THTPA: variants seen among roughly 807,000 people sequenced by gnomAD.
The protein encoded by THTPA is thiamine-triphosphatase.
Under a neutral mutation model 16.5 loss-of-function variants are expected in THTPA, and 16 were observed. The observed-to-expected ratio is 0.97, with a 90% confidence interval of 0.66 to 1.47. THTPA has a LOEUF of 1.47. Among genes scored for constraint, THTPA ranks in the 40% most tolerant of loss-of-function variants. THTPA has a pLI of 0.00. For missense variants in THTPA, 281 were observed against 280.9 expected (o/e 1.00, Z 0.00); for synonymous variants, 110 against 115.5 (o/e 0.95, Z 0.30).
At chr14:23,533,426 A>G in the THTPA span, 1 of 1,523,636 alleles carries the variant, frequency 6.6e-7, no homozygotes, top group South Asian at 1.2e-5. The surrounding 1 kb of genome is among the most constrained non-coding windows in gnomAD (Gnocchi z 4.8). Context: ...GGCCCAAAGT[A>G]CTGGAAGAGT....
At chr14:23,535,252 G>A in the THTPA span, 32 of 1,512,050 alleles carry the variant, frequency 2.1e-5, no homozygotes, top group Non-Finnish European at 2.6e-5. This position sits in a 1 kb window ranked among gnomAD's most constrained non-coding sequence, Gnocchi z 4.5. Context: ...GAAGGTGTCC[G>A]AAGGCAGGGA....
chr14:23,557,058 C>A lies in THTPA; in HGVS notation c.301C>A (p.Leu101Met), dbSNP rs201708367. Residue 101 changes from leucine to methionine, a missense_variant, in exon 1 of 2, where the codon CTG becomes ATG. Transcript: ENST00000288014. ...CTGTAAGGTGCTGCGGGCTGACGGCCTGGGGGCTGGAGATGTGGCTGCTGT... is the reference window on the plus strand; with the variant it reads ...CTGTAAGGTGCTGCGGGCTGACGGCATGGGGGCTGGAGATGTGGCTGCTGT... ...QLCKVLRADG[L>M]GAGDVAAVLG... 1.7e-5 allele frequency: 28 copies of A among 1,614,210 alleles called. No individual in the cohort carries two copies. The East Asian group carries it at 6.0e-4, about 35-fold the overall frequency.
At chr14:23,547,828 C>CA in the THTPA span, among the ~76,000 whole-genome samples, 1 of 152,346 alleles carries the variant, frequency 6.6e-6, no homozygotes, top group African/African-American at 2.4e-5. Flanking sequence ...TTCTGTGTGA[C>CA]AGACACTGTG....
the THTPA span, chr14:23,532,324 C>G: frequency 8.9e-6 from 4 of 448,840 alleles, no homozygotes; most frequent in Non-Finnish European, 3.7e-6. Flanking sequence ...CCCCTCCCTC[C>G]AGGGCCAAAC....
At chr14:23,544,111 C>T in the THTPA span, 12 of 151,864 alleles carry the variant, frequency 7.9e-5, no homozygotes, top group African/African-American at 1.7e-4. Flanking sequence ...AAAAATGAGC[C>T]GGGCGTGGTG....
At chr14:23,532,423 G>A in the THTPA span, 3 of 1,005,516 alleles carry the variant, frequency 3.0e-6, no homozygotes, top group South Asian at 2.3e-5. Context: ...TGTTACCCTG[G>A]TACATATGTC....
In THTPA at chr14:23,557,057, C is replaced by T; in HGVS notation, c.300C>T (p.Gly100=). Residue 100 remains glycine (G), a synonymous_variant, in exon 1 of 2, where the codon GGC becomes GGT. Coordinates refer to ENST00000288014, the MANE Select transcript of THTPA (RefSeq NM_024328.6). ...TCTGTAAGGTGCTGCGGGCTGACGG[C>T]CTGGGGGCTGGAGATGTGGCTGCTG... ...AQLCKVLRAD[G]LGAGDVAAVL... 1 of 1,614,170 alleles carries T rather than the reference C, an allele frequency of 6.2e-7. No individual in the cohort carries two copies. Among genetic ancestry groups the T allele is most frequent in the East Asian group, 2.2e-5 (1 of 44,890 alleles).
In THTPA at chr14:23,560,148, C is replaced by G; in HGVS notation, c.*1308C>G. 1 of 1,476,118 alleles carries G rather than the reference C, an allele frequency of 6.8e-7. No homozygotes were observed. The highest frequency in any genetic ancestry group is 9.3e-7 in the Non-Finnish European group (1 of 1,074,476). 91.4% of individuals were successfully genotyped at this position (1,476,118 alleles called of 1,614,324 possible). A position where few individuals can be genotyped will look rare whatever the true frequency, so the allele number is the denominator to read the frequency against. On this transcript the variant is annotated 3_prime_UTR_variant, in exon 2 of 2. Transcript: ENST00000288014. ...CCTGTAACTCCCCAAGTGCTGATCT[C>G]CAGATGACTCAATCCCATCTCACAC...
chr14:23,530,685 A>C, the THTPA span: 7 of 343,804 alleles, frequency 2.0e-5, no homozygotes, highest in Admixed American at 2.1e-4. Flanking sequence ...GCCTAATTAA[A>C]GTGTTAAAGT....
the THTPA span, chr14:23,525,488 C>T: frequency 2.0e-6 from 3 of 1,535,904 alleles, no homozygotes; most frequent in Non-Finnish European, 2.6e-6. The surrounding 1 kb of genome is among the most constrained non-coding windows in gnomAD (Gnocchi z 5.9). Flanking sequence ...GAGTTTCCCA[C>T]AGGCCCCACA....
chr14:23,550,026 TA>T, the THTPA span, among the ~76,000 whole-genome samples: 1 of 151,692 alleles, frequency 6.6e-6, no homozygotes, highest in Non-Finnish European at 1.5e-5. Flanking sequence ...AATGGGGAAA[TA>T]AAAAATATAC....
chr14:23,516,642 T>C, the THTPA span, among the ~76,000 whole-genome samples: 1 of 152,176 alleles, frequency 6.6e-6, no homozygotes, highest in Non-Finnish European at 1.5e-5. Flanking sequence ...CAAGTCAAAA[T>C]TGTGTAGATT....
chr14:23,554,030 C>A (rs1205252332), upstream of THTPA, among the ~76,000 whole-genome samples: 3 of 114,280 alleles, frequency 2.6e-5, no homozygotes, highest in African/African-American at 3.6e-5. Context: ...CAGAGTGAGA[C>A]TCTGTCTCAA....
chr14:23,539,730 G>C, the THTPA span, among the ~76,000 whole-genome samples: 1,840 of 152,168 alleles, frequency 0.012, 17 homozygotes, highest in Middle Eastern at 0.058. Flanking sequence ...GCTCCCTTTG[G>C]TACAGCCCCC....
the THTPA span, chr14:23,548,431 C>G: frequency 2.0e-5 from 3 of 152,172 alleles, no homozygotes; most frequent in Admixed American, 1.3e-4. Context: ...AGCACCCCGG[C>G]AAAGCAGCAA....
the THTPA span, chr14:23,527,568 G>A: frequency 6.5e-7 from 1 of 1,535,738 alleles, no homozygotes; most frequent in Non-Finnish European, 8.7e-7. Flanking sequence ...CCCTAATAAG[G>A]TCTTGTTGTA....
the THTPA span, chr14:23,530,650 G>T: frequency 2.9e-6 from 1 of 346,630 alleles, no homozygotes; most frequent in Non-Finnish European, 5.6e-6. Flanking sequence ...ATTGACAGAT[G>T]TGTAGGAATT....
At chr14:23,543,127 CA>C in the THTPA span, 1 of 152,200 alleles carries the variant, frequency 6.6e-6, no homozygotes, top group Non-Finnish European at 1.5e-5. Flanking sequence ...AGTATTACAA[CA>C]AAAACTAATT....
At chr14:23,537,229 CT>C in the THTPA span, among the ~76,000 whole-genome samples, 1,152 of 146,572 alleles carry the variant, frequency 7.9e-3, 9 homozygotes, top group Middle Eastern at 0.021. Flanking sequence ...GGCTCCCATC[CT>C]TTTTTTTTTT....
Sources: allele counts gnomAD v4.1 joint callset (sites outside exome capture counted in the v4.1 genomes callset), GRCh38; gene constraint gnomAD v4.1.1; non-coding constraint Gnocchi (gnomAD v3.1); transcripts MANE v1.5; gene names NCBI Gene and HGNC (gene_info 2026-07-23, HGNC 2026-07-21).